The following LRBA variants were observed in gnomAD, a reference collection of about 807,000 sequenced individuals.
The protein encoded by LRBA is lipopolysaccharide-responsive and beige-like anchor protein.
Under a neutral mutation model 330.0 loss-of-function variants are expected in LRBA, and 176 were observed. The observed-to-expected ratio is 0.53, with a 90% CI of 0.47 to 0.60. The LOEUF (loss-of-function observed/expected upper bound fraction) is 0.60, where lower values mean the gene tolerates loss of function less well. Among genes scored for constraint, LRBA ranks in the 20% least tolerant of loss-of-function variants. The pLI is 0.00. For synonymous variants in LRBA, 1,230 were observed against 1,193.0 expected, an observed-to-expected ratio of 1.03 and a Z score of -0.64; for missense variants, 3,259 against 3,444.8, an observed-to-expected ratio of 0.95 and a Z score of 1.35.
chr4:150,987,582 T>C (rs1741601086), intron 2 of LRBA, among the ~76,000 whole-genome samples: 1 of 152,056 alleles, frequency 6.6e-6, no homozygotes, highest in Non-Finnish European at 1.5e-5. Flanking sequence ...GGCAGGCACC[T>C]GTAATCCCAG....
chr4:150,902,376 T>G (rs959480985), intron 13 of LRBA, among the ~76,000 whole-genome samples: 14 of 152,160 alleles, frequency 9.2e-5, no homozygotes, highest in African/African-American at 3.1e-4. Context: ...TTCTTTTTTT[T>G]TAATACTGAT....
At chr4:150,423,835 TC>T (rs1221373649) in intron 46 of LRBA, among the ~76,000 whole-genome samples, 1 of 150,198 alleles carries the variant, frequency 6.7e-6, no homozygotes, top group African/African-American at 2.5e-5. Context: ...ATAAAATGAG[TC>T]CCCCCCACCG....
At chr4:150,590,569 A>AG (rs1011429025) in intron 39 of LRBA, 144 bp downstream of exon 39, 57 of 638,760 alleles carry the variant, frequency 8.9e-5, no homozygotes, top group East Asian at 2.5e-4. Context: ...AAACTGTAGA[A>AG]GGGGGGGAAG....
At chr4:150,468,081 T>G (rs958198336) in intron 43 of LRBA, among the ~76,000 whole-genome samples, 12 of 152,196 alleles carry the variant, frequency 7.9e-5, no homozygotes, top group African/African-American at 2.9e-4. Context: ...TTGTGTTCTT[T>G]TAAACTACAT....
At chr4:150,454,825 CAT>C (rs978750826) in intron 44 of LRBA, among the ~76,000 whole-genome samples, 96 of 152,196 alleles carry the variant, frequency 6.3e-4, no homozygotes, top group African/African-American at 2.3e-3. Context: ...CAAGTAATAA[CAT>C]GTGGTATTTG....
intron 51 of LRBA, chr4:150,314,656 G>A (rs1013594796): frequency 1.3e-5 from 2 of 152,082 alleles, no homozygotes; most frequent in East Asian, 1.9e-4. Context: ...TATCTATGCC[G>A]ATAGCATTAC....
chr4:150,976,175 G>GAAAAAA (rs56914557), intron 2 of LRBA, among the ~76,000 whole-genome samples: 2 of 88,730 alleles, frequency 2.3e-5, no homozygotes, highest in East Asian at 3.1e-4. Flanking sequence ...ACTCCGTCTT[G>GAAAAAA]AAAAAAAAAA....
chr4:150,660,570 C>T (rs1476856506), intron 37 of LRBA, among the ~76,000 whole-genome samples: 4 of 148,748 alleles, frequency 2.7e-5, no homozygotes, highest in South Asian at 2.2e-4. Flanking sequence ...GGGAGGTGTG[C>T]CCAACAGCTC....
At chr4:150,376,776 AC>A (rs1204157289) in intron 47 of LRBA, among the ~76,000 whole-genome samples, 1 of 152,246 alleles carries the variant, frequency 6.6e-6, no homozygotes, top group East Asian at 1.9e-4. Context: ...GGTAAAGATA[AC>A]CCCGGGTGTT....
At chr4:150,986,623 A>G (rs1204459382) in intron 2 of LRBA, among the ~76,000 whole-genome samples, 3 of 152,198 alleles carry the variant, frequency 2.0e-5, no homozygotes, top group Non-Finnish European at 4.4e-5. Flanking sequence ...GAAATCTCCA[A>G]TACACAAATC....
chr4:150,622,123 G>A (rs1561434932), intron 37 of LRBA, among the ~76,000 whole-genome samples: 4 of 152,142 alleles, frequency 2.6e-5, no homozygotes, highest in Admixed American at 1.3e-4. Flanking sequence ...GTGAAGGAAG[G>A]GAGGCAACAT....
intron 44 of LRBA, among the ~76,000 whole-genome samples, chr4:150,461,054 T>A (rs1581384629): frequency 6.6e-6 from 1 of 151,780 alleles, no homozygotes; most frequent in Non-Finnish European, 1.5e-5. Flanking sequence ...AACATTCAGC[T>A]TTTTTTGTAA....
intron 46 of LRBA, among the ~76,000 whole-genome samples, chr4:150,427,741 A>G (rs1275105140): frequency 6.6e-6 from 1 of 152,076 alleles, no homozygotes; most frequent in Non-Finnish European, 1.5e-5. Context: ...GATTTTTTTT[A>G]CTAAGAAAAT....
intron 40 of LRBA, among the ~76,000 whole-genome samples, chr4:150,576,293 T>C (rs1770538840): frequency 6.6e-6 from 1 of 151,782 alleles, no homozygotes; most frequent in Non-Finnish European, 1.5e-5. Flanking sequence ...TAAAAGAATG[T>C]AGTGTTACAA....
rs527630242 is a variant in LRBA at position 150,294,095 on chromosome 4, G to T, written c.8018-8061C>A. ...GTTATATGCATGTTTCTGACGGTGTGGGGGGTTGGCACCCCGACTCCTGTG... is the reference window on the plus strand; with the variant it reads ...GTTATATGCATGTTTCTGACGGTGTTGGGGGTTGGCACCCCGACTCCTGTG... On this transcript the variant is annotated intron_variant, in intron 53 of 56. Coordinates refer to ENST00000651943, the MANE Select transcript of LRBA (RefSeq NM_001364905.1). 5.9e-5 allele frequency among the ~76,000 whole-genome samples: 9 copies of T among 152,290 alleles called. No individual in the cohort carries two copies. The South Asian group carries it at 1.0e-3, about 18-fold the overall frequency.
chr4:150,277,936 C>T lies in LRBA; in HGVS notation c.8385G>A (p.Arg2795=). The change falls in exon 56 of 57, where the codon CGG becomes CGA. Residue 2795 remains arginine, a synonymous_variant. Coordinates refer to ENST00000651943, the MANE Select transcript of LRBA (RefSeq NM_001364905.1). ...AGAGCTGCTTGAGGTCCGACACCTG[C>T]CGGACCACGACCACTCCTCTGTCTC... The part of the protein sequence containing the change: ...TGGDRGVVVV[R]QVSDLKQLFA... The T allele has an allele frequency of 6.2e-7, 1 of 1,614,004 alleles. No individual in the cohort carries two copies. The highest frequency in any genetic ancestry group is 8.5e-7 in the Non-Finnish European group (1 of 1,179,910).
rs546062738 is a variant in LRBA, at chr4:150,556,297, T to G, written c.6330+31751A>C. On this transcript the variant is annotated intron_variant, in intron 40 of 56. Transcript: ENST00000651943. Reference sequence around the variant, plus strand: ...TTAAAAACTATCTGATGGATGGTAATCAAAAACATTTTTGTTTGAAAACAA... The same window carrying G: ...TTAAAAACTATCTGATGGATGGTAAGCAAAAACATTTTTGTTTGAAAACAA... 3.3e-5 allele frequency among the ~76,000 whole-genome samples: 5 copies of G among 152,310 alleles called. No individual in the cohort carries two copies. The East Asian group carries it at 9.6e-4, about 29-fold the overall frequency.
Position 150,525,469 on chromosome 4 carries a change from G to A in LRBA, c.6331-34434C>T, listed in dbSNP as rs1265081928. Among the ~76,000 whole-genome samples the A allele has an allele frequency of 3.9e-5, 6 of 152,198 alleles. 1 individual carries two copies. Among genetic ancestry groups the A allele is most frequent in the Middle Eastern group, 6.8e-3 (2 of 294 alleles). The stretch of plus-strand genomic sequence containing the variant: ...GTGTGGGAAAATGGGCTGTGTGCTA[G>A]ATAAACGGCCTACCTGCCTCTGACA... On this transcript the variant is annotated intron_variant, in intron 40 of 56. Transcript: ENST00000651943.
intron 38 of LRBA, among the ~76,000 whole-genome samples, chr4:150,592,028 AG>A (rs1382709982): frequency 6.6e-6 from 1 of 151,822 alleles, no homozygotes; most frequent in African/African-American, 2.4e-5. Flanking sequence ...GTGTCATATA[AG>A]GGAAAGTTAA....
Sources: allele counts gnomAD v4.1 joint callset (sites outside exome capture counted in the v4.1 genomes callset), GRCh38; gene constraint gnomAD v4.1.1; transcripts MANE v1.5; gene names NCBI Gene and HGNC (gene_info 2026-07-23, HGNC 2026-07-21).